Variants in ZC3HC1 observed in about 807,000 individuals in gnomAD.
ZC3HC1 encodes zinc finger C3HC-type protein 1.
Under a neutral mutation model 61.9 loss-of-function variants are expected in ZC3HC1, and 38 were observed. The ratio of observed to expected loss-of-function variants is 0.61; its 90% confidence interval spans 0.47 to 0.81. The LOEUF is 0.81. Among genes scored for constraint, ZC3HC1 ranks in the 30% least tolerant of loss-of-function variants. The probability of loss-of-function intolerance (pLI) is 0.00; values close to 1 mark genes in which losing one functional copy is unlikely to be tolerated. For missense variants in ZC3HC1, 554 were observed against 622.7 expected, an observed-to-expected ratio of 0.89 and a Z score of 1.17; for synonymous variants, 213 against 229.9, an observed-to-expected ratio of 0.93 and a Z score of 0.67.
At position 130,023,767 on chromosome 7, in the gene ZC3HC1, T is replaced by C. The variant is rs1793758343; in HGVS notation, c.1021-44A>G. ...AATGGAAGTACACGAATGATATTAA[T>C]GATTATGGTCAGAAATACTTCTTTC... On this transcript the variant is annotated intron_variant, in intron 7 of 9. Coordinates refer to ENST00000358303, the MANE Select transcript of ZC3HC1 (RefSeq NM_016478.5). This position sits in a 1 kb window ranked among gnomAD's most constrained non-coding sequence, Gnocchi z 4.2. 1.4e-6 allele frequency: 2 copies of C among 1,460,968 alleles called. No homozygotes were observed. Among genetic ancestry groups the C allele is most frequent in the African/African-American group, 1.4e-5 (1 of 70,966 alleles). The allele number at this position is 1,460,968 out of a possible 1,614,324, so 90.5% of individuals were successfully genotyped here.
At chr7:130,039,605 T>C in intron 3 of ZC3HC1, 58 bp from the exon 4 acceptor site, 2 of 1,292,064 alleles carry the variant, frequency 1.5e-6, no homozygotes, top group Non-Finnish European at 2.2e-6. Flanking sequence ...CAAAATCCAA[T>C]GAATGGCCTC....
At chr7:130,022,236 G>C in intron 9 of ZC3HC1, 83 bp downstream of exon 9, 1 of 1,540,472 alleles carries the variant, frequency 6.5e-7, no homozygotes, top group Non-Finnish European at 8.9e-7. Context: ...AGGCAGGCGG[G>C]GTGCTAATTA....
rs764016397 is a variant in ZC3HC1 at position 130,041,144 on chromosome 7, A to ATGTG, written c.259-47_259-44dup. On this transcript the variant is annotated intron_variant, in intron 2 of 9. Coordinates refer to ENST00000358303, the MANE Select transcript of ZC3HC1 (RefSeq NM_016478.5). ...AACAACACAGCAAATATATATATAT[A>ATGTG]TGTGTGTGTATGTGTGTGTGTGTGT... 2,072 of 1,452,066 alleles carry ATGTG rather than the reference A, an allele frequency of 1.4e-3. 20 individuals carry two copies. The African/African-American group carries it at 0.031, about 21-fold the overall frequency. 89.9% of individuals were successfully genotyped at this position (1,452,066 alleles called of 1,614,324 possible).
At chr7:130,043,778 G>A in intron 2 of ZC3HC1, 1 of 440,164 alleles carries the variant, frequency 2.3e-6, no homozygotes, top group South Asian at 1.6e-5. Flanking sequence ...AGCCAAGTGT[G>A]GAGTGCTAGG....
intron 2 of ZC3HC1, among the ~76,000 whole-genome samples, chr7:130,047,231 G>A (rs1300403229): frequency 6.6e-6 from 1 of 152,110 alleles, no homozygotes; most frequent in Non-Finnish European, 1.5e-5. Context: ...AAAGTGCTTG[G>A]ATTACAGGTG....
chr7:130,038,306 T>G (rs887424025), intron 4 of ZC3HC1, among the ~76,000 whole-genome samples: 1 of 152,202 alleles, frequency 6.6e-6, no homozygotes, highest in African/African-American at 2.4e-5. Flanking sequence ...GCTGCTGTGA[T>G]AGTGTACTGT....
At chr7:130,045,569 C>CTTGTACT (rs1169111274) in intron 2 of ZC3HC1, 1 of 456,822 alleles carries the variant, frequency 2.2e-6, no homozygotes, top group Non-Finnish European at 4.4e-6. Context: ...ATTATGATGA[C>CTTGTACT]TTGTACTTTG....
intron 2 of ZC3HC1, among the ~76,000 whole-genome samples, chr7:130,047,234 T>G (rs1217278950): frequency 6.6e-6 from 1 of 152,148 alleles, no homozygotes; most frequent in African/African-American, 2.4e-5. Flanking sequence ...GTGCTTGGAT[T>G]ACAGGTGTAA....
In ZC3HC1 at chr7:130,049,123, G is replaced by A; in HGVS notation, c.168C>T (p.Ser56=). The part of the protein sequence containing the change: ...GVDAKDTSAT[S]QSVNGSPQAE... ...CTTGGGGTGATCCATTAACTGACTG[G>A]GATGTGGCAGACGTGTCCTTCCTAA... Residue 56 remains serine (S), a synonymous_variant, in exon 2 of 10, where the codon TCC becomes TCT. Transcript: ENST00000358303. 1 of 1,600,344 alleles carries A rather than the reference G, an allele frequency of 6.2e-7. No individual in the cohort carries two copies. The highest frequency in any genetic ancestry group is 8.5e-7 in the Non-Finnish European group (1 of 1,174,006).
chr7:130,037,178 C>G (rs781302567), intron 4 of ZC3HC1, among the ~76,000 whole-genome samples: 3 of 152,324 alleles, frequency 2.0e-5, no homozygotes, highest in East Asian at 1.9e-4. Context: ...CGGGGGCTCA[C>G]GCCTACAGGC....
intron 4 of ZC3HC1, among the ~76,000 whole-genome samples, chr7:130,035,320 A>G (rs1048093411): frequency 6.6e-6 from 1 of 151,264 alleles, no homozygotes; most frequent in African/African-American, 2.4e-5. Flanking sequence ...TGAGCCTGGG[A>G]AGCAGAGTTT....
Position 130,040,820 on chromosome 7 carries a change from AAAAG to A in ZC3HC1, c.409+127_409+130del. On this transcript the variant is annotated intron_variant, in intron 3 of 9. Transcript: ENST00000358303. ...CAAGACCCCATCTCAAAAAAAAAAA[AAAAG>A]ATTAAAAAAAAAGATTGAAGTACGC... 2.8e-6 allele frequency: 3 copies of A among 1,070,770 alleles called. No individual in the cohort carries two copies. In the East Asian group the frequency reaches 7.4e-5, roughly 26 times the overall value. 66.3% of individuals were successfully genotyped at this position (1,070,770 alleles called of 1,614,324 possible).
Position 130,018,576 on chromosome 7 carries a change from AG to A in ZC3HC1, c.*87del. The A allele has an allele frequency of 8.7e-7, 1 of 1,155,552 alleles. No homozygotes were observed. Among genetic ancestry groups the A allele is most frequent in the Non-Finnish European group, 1.3e-6 (1 of 787,214 alleles). The allele number at this position is 1,155,552 out of a possible 1,614,324, so 71.6% of individuals were successfully genotyped here. On this transcript the variant is annotated 3_prime_UTR_variant, in exon 10 of 10. Coordinates refer to ENST00000358303, the MANE Select transcript of ZC3HC1 (RefSeq NM_016478.5). ...GATTAACCCAGAACAGGAAAAACTT[AG>A]TGTCAGCTGACCGAAAGGAACTCAG...
At chr7:130,032,948 A>C (rs972843403) in intron 4 of ZC3HC1, among the ~76,000 whole-genome samples, 7 of 152,176 alleles carry the variant, frequency 4.6e-5, no homozygotes, top group Non-Finnish European at 8.8e-5. Flanking sequence ...TTAATTTTTA[A>C]AATTAATTAT....
At chr7:130,045,856 A>C (rs994010751) in intron 2 of ZC3HC1, among the ~76,000 whole-genome samples, 2 of 140,736 alleles carry the variant, frequency 1.4e-5, no homozygotes, top group Admixed American at 1.6e-4. Flanking sequence ...ACACCAGTGC[A>C]CTCCAGCCTG....
chr7:130,018,912 C>T (rs143829159), intron 9 of ZC3HC1, among the ~76,000 whole-genome samples, 180 bp from the exon 10 acceptor site: 2,373 of 152,270 alleles, frequency 0.016, 32 homozygotes, highest in Middle Eastern at 0.02. Flanking sequence ...GTTCTACTGT[C>T]AGACTCCTGT....
chr7:130,020,263 T>C (rs775927146), intron 9 of ZC3HC1, among the ~76,000 whole-genome samples: 1 of 151,650 alleles, frequency 6.6e-6, no homozygotes, highest in African/African-American at 2.4e-5. Context: ...AAAAATAGTA[T>C]ACACTTTTTT....
intron 8 of ZC3HC1, chr7:130,022,916 A>G (rs1793710575): frequency 7.2e-6 from 2 of 279,396 alleles, no homozygotes; most frequent in Admixed American, 5.1e-5. Context: ...AGGAGCAGGA[A>G]CCCTACTGTG....
intron 5 of ZC3HC1, among the ~76,000 whole-genome samples, chr7:130,028,496 TAC>T (rs1794026901): frequency 6.6e-6 from 1 of 151,976 alleles, no homozygotes; most frequent in Admixed American, 6.6e-5. Context: ...GAGCCGAGAT[TAC>T]ACTATTGCAC....
Sources: gnomAD v4.1 joint callset for allele counts (sites outside exome capture counted in the v4.1 genomes callset) on GRCh38, gnomAD v4.1.1 for gene constraint, Gnocchi (gnomAD v3.1) non-coding constraint, MANE v1.5 for transcripts, NCBI Gene and HGNC (gene_info 2026-07-23, HGNC 2026-07-21) for gene names.